Variants in PTPRN2 observed in about 807,000 individuals in gnomAD.
PTPRN2 encodes protein tyrosine phosphatase receptor type N2.
Under a neutral mutation model 118.8 loss-of-function variants are expected in PTPRN2, and 74 were observed. The ratio of observed to expected loss-of-function variants is 0.62; its 90% CI spans 0.52 to 0.76. The LOEUF (loss-of-function observed/expected upper bound fraction) is 0.76, where lower values mean the gene tolerates loss of function less well. PTPRN2 is among the 30% of genes least tolerant of loss of function. PTPRN2 has a pLI of 0.00. For synonymous variants in PTPRN2, 641 were observed against 608.0 expected (o/e 1.05, Z -0.80); for missense variants, 1,481 against 1,394.4 (o/e 1.06, Z -0.99).
At position 158,317,876 on chromosome 7, in the gene PTPRN2, C is replaced by CACG. The variant is rs925934308; in HGVS notation, c.164-947_164-945dup. ...GCTGGTCTGATATTGCATATATGCT[C>CACG]ACGACGACGGGGCCGGGTGATTAGC... On this transcript the variant is annotated intron_variant, in intron 2 of 22. Transcript: ENST00000389418. Among the ~76,000 whole-genome samples, 6 of 152,220 alleles carry CACG rather than the reference C, an allele frequency of 3.9e-5. No homozygotes were observed. The South Asian group carries it at 6.2e-4, about 16-fold the overall frequency.
intron 6 of PTPRN2, among the ~76,000 whole-genome samples, chr7:158,149,592 C>G (rs558004261): frequency 6.6e-6 from 1 of 152,242 alleles, no homozygotes; most frequent in Admixed American, 6.5e-5. Context: ...CACCTGAGGT[C>G]AGGAGTTCGA....
intron 6 of PTPRN2, among the ~76,000 whole-genome samples, chr7:158,149,078 C>A (rs1448055685): frequency 4.1e-4 from 55 of 134,584 alleles, no homozygotes; most frequent in East Asian, 9.1e-4. Context: ...GTCATTCCCC[C>A]TCACTGACAC....
Position 158,203,596 on chromosome 7 carries a change from A to ACC in PTPRN2, c.380+1573_380+1574dup, listed in dbSNP as rs56277723. On this transcript the variant is annotated intron_variant, in intron 4 of 22. Transcript: ENST00000389418. ...GCAGCTTCTGTTTGCCCTGTTCTGC[A>ACC]CCCCCCCAGAGTGAGGAGGAGCCAT... Among the ~76,000 whole-genome samples the ACC allele has an allele frequency of 6.8e-3, 1,029 of 151,114 alleles. 6 individuals are homozygous for ACC. Among genetic ancestry groups the ACC allele is most frequent in the African/African-American group, 0.012 (475 of 41,152 alleles).
rs866812850 is a variant in PTPRN2, at chr7:157,733,810, T to C, written c.1789-50873A>G. 1.0e-3 allele frequency among the ~76,000 whole-genome samples: 24 copies of C among 23,544 alleles called. 2 individuals carry two copies. The highest frequency in any genetic ancestry group is 1.2e-3 in the Admixed American group (3 of 2,552). 15.4% of individuals were successfully genotyped at this position (23,544 alleles called of 152,430 possible). On this transcript the variant is annotated intron_variant, in intron 12 of 22. Coordinates refer to ENST00000389418, the MANE Select transcript of PTPRN2 (RefSeq NM_002847.5). ...CGTCCCACGCGCCCAGCACAGTTAC[T>C]CTTTTCCGTCCCACGCGCCCAGCAC...
At position 157,764,281 on chromosome 7, in the gene PTPRN2, A is replaced by T. The variant is rs888534183; in HGVS notation, c.1789-81344T>A. 4.6e-5 allele frequency among the ~76,000 whole-genome samples: 7 copies of T among 152,318 alleles called. No individual in the cohort carries two copies. The East Asian group carries it at 1.4e-3, about 29-fold the overall frequency. ...GACTCAGAGAGAGATTCGCACGCCCATGTTCATAGCAGCAGCGCTCACAGA... is the reference window on the plus strand; with the variant it reads ...GACTCAGAGAGAGATTCGCACGCCCTTGTTCATAGCAGCAGCGCTCACAGA... On this transcript the variant is annotated intron_variant, in intron 12 of 22. Transcript: ENST00000389418. This position sits in a 1 kb window ranked among gnomAD's most constrained non-coding sequence, Gnocchi z 4.5.
chr7:157,919,542 AT>A (rs1391792661), intron 11 of PTPRN2, among the ~76,000 whole-genome samples: 1 of 152,208 alleles, frequency 6.6e-6, no homozygotes, highest in Non-Finnish European at 1.5e-5. Flanking sequence ...AAATTAAGTA[AT>A]AAAAATATAA....
intron 12 of PTPRN2, among the ~76,000 whole-genome samples, chr7:157,846,674 G>T (rs1378520068): frequency 1.3e-5 from 2 of 151,974 alleles, no homozygotes; most frequent in African/African-American, 4.8e-5. Flanking sequence ...CATCATGCGT[G>T]CCCGATGTCT....
intron 3 of PTPRN2, among the ~76,000 whole-genome samples, chr7:158,253,028 G>A (rs1178649090): frequency 6.6e-6 from 1 of 152,216 alleles, no homozygotes; most frequent in Admixed American, 6.5e-5. Context: ...TGCGGAGGGT[G>A]TGGTTTCCCC....
At chr7:158,536,745 C>G (rs1366803866) in intron 1 of PTPRN2, among the ~76,000 whole-genome samples, 1 of 151,836 alleles carries the variant, frequency 6.6e-6, no homozygotes, top group Non-Finnish European at 1.5e-5. Context: ...CAAGGGCCTT[C>G]CCAGTCCACC....
intron 5 of PTPRN2, among the ~76,000 whole-genome samples, chr7:158,171,278 C>A: frequency 1.6e-5 from 1 of 60,846 alleles, no homozygotes; most frequent in Non-Finnish European, 2.9e-5. Context: ...CATATATACA[C>A]ACATATATAT....
intron 4 of PTPRN2, among the ~76,000 whole-genome samples, chr7:158,195,154 C>T (rs1351889945): frequency 1.3e-5 from 2 of 152,188 alleles, no homozygotes; most frequent in Non-Finnish European, 2.9e-5. Context: ...CCTTCAGCGT[C>T]TGTATTTCTG....
chr7:158,440,819 T>C (rs1456322547), intron 2 of PTPRN2, among the ~76,000 whole-genome samples: 8 of 117,948 alleles, frequency 6.8e-5, no homozygotes, highest in Admixed American at 2.7e-4. Flanking sequence ...GTGGTAGTAG[T>C]AGTGGTGGTG....
At chr7:158,071,798 CCTGGTGGAGGTGCTCGTCGT>C (rs1811855417) in intron 11 of PTPRN2, among the ~76,000 whole-genome samples, 1 of 95,842 alleles carries the variant, frequency 1.0e-5, no homozygotes, top group African/African-American at 5.7e-5. Flanking sequence ...TGGAGGTGCT[CCTGGTGGAGGTGCTCGTCGT>C]ATGGAGGTGC....
chr7:157,910,478 G>A (rs2128761024), intron 11 of PTPRN2, among the ~76,000 whole-genome samples: 1 of 149,752 alleles, frequency 6.7e-6, no homozygotes, highest in South Asian at 2.1e-4. Flanking sequence ...TACGCCGTGG[G>A]GACGGGTCCA....
At chr7:157,630,052 T>C (rs188582529) in intron 14 of PTPRN2, among the ~76,000 whole-genome samples, 192 of 152,354 alleles carry the variant, frequency 1.3e-3, no homozygotes, top group African/African-American at 4.4e-3. Flanking sequence ...TGTTAAATTT[T>C]TGAATTCCAA....
chr7:158,537,731 A>T (rs2129449238), intron 1 of PTPRN2: 1 of 152,408 alleles, frequency 6.6e-6, no homozygotes, highest in East Asian at 1.9e-4. Context: ...ACGAGCCTGG[A>T]CTGTGCTGCA....
chr7:158,482,261 T>C (rs1034456754), intron 2 of PTPRN2, among the ~76,000 whole-genome samples: 1 of 152,242 alleles, frequency 6.6e-6, no homozygotes, highest in Admixed American at 6.5e-5. Flanking sequence ...TTGAAAGGAT[T>C]GACTCTTAAT....
intron 3 of PTPRN2, among the ~76,000 whole-genome samples, chr7:158,269,185 C>T (rs2150954600): frequency 6.6e-6 from 1 of 152,172 alleles, no homozygotes; most frequent in South Asian, 2.1e-4. Flanking sequence ...AAAGGGGCCT[C>T]CTAGGAGCCC....
At chr7:157,688,672 G>T (rs1005957248) in intron 12 of PTPRN2, among the ~76,000 whole-genome samples, 1 of 152,140 alleles carries the variant, frequency 6.6e-6, no homozygotes, top group Non-Finnish European at 1.5e-5. Context: ...CTTCAGGACT[G>T]GGGGGGTTAC....
Sources: allele counts gnomAD v4.1 joint callset (sites outside exome capture counted in the v4.1 genomes callset), GRCh38; gene constraint gnomAD v4.1.1; non-coding constraint Gnocchi (gnomAD v3.1); transcripts MANE v1.5; gene names NCBI Gene and HGNC (gene_info 2026-07-23, HGNC 2026-07-21).